Variants in CHRNA5 observed in about 807,000 individuals in gnomAD.
CHRNA5 encodes the protein cholinergic receptor nicotinic alpha 5 subunit.
A neutral mutation model predicts 41.2 loss-of-function variants in CHRNA5; 28 were observed. The ratio of observed to expected loss-of-function variants is 0.68; its 90% confidence interval spans 0.50 to 0.93. The LOEUF (loss-of-function observed/expected upper bound fraction) is 0.93, where lower values mean the gene tolerates loss of function less well. CHRNA5 is among the 40% of genes least tolerant of loss of function. The probability of loss-of-function intolerance (pLI) is 0.00; values close to 1 mark genes in which losing one functional copy is unlikely to be tolerated. For synonymous variants in CHRNA5, 188 were observed against 205.8 expected (o/e 0.91, Z 0.74); for missense variants, 481 against 581.9 (o/e 0.83, Z 1.78).
chr15:78,594,559 T>A (rs1307736112), exon 6 of CHRNA5: 2 of 152,242 alleles, frequency 1.3e-5, no homozygotes, highest in Non-Finnish European at 2.9e-5. Flanking sequence ...GCGCCTGTAG[T>A]CCCAGCTACT....
At chr15:78,585,739 C>T (rs972058478) in intron 2 of CHRNA5, among the ~76,000 whole-genome samples, 13 of 151,270 alleles carry the variant, frequency 8.6e-5, no homozygotes, top group Admixed American at 7.2e-4. Flanking sequence ...TTATGAAATT[C>T]GTATTCAAGG....
chr15:78,589,724 C>G, intron 4 of CHRNA5, 81 bp from the exon 5 acceptor site: 1 of 1,122,962 alleles, frequency 8.9e-7, no homozygotes, highest in Non-Finnish European at 1.3e-6. Context: ...GATAGGCCTG[C>G]TTTTATATTA....
exon 5 of CHRNA5, chr15:78,590,199 C>T (rs142772554): frequency 6.2e-7 from 1 of 1,613,896 alleles, no homozygotes. Context: ...TTTAACTGTA[C>T]TTGTCTTCTA....
At chr15:78,592,135 A>C (rs576226781) in intron 5 of CHRNA5, among the ~76,000 whole-genome samples, 2 of 152,238 alleles carry the variant, frequency 1.3e-5, no homozygotes, top group South Asian at 2.1e-4. Flanking sequence ...CAGCCTGGCC[A>C]ATATGGTGAA....
In CHRNA5 at chr15:78,588,567, A is replaced by G. The variant is rs139319291; in HGVS notation, c.413+144A>G. The G allele has an allele frequency of 4.3e-6, 2 of 467,458 alleles. No homozygotes were observed. Among genetic ancestry groups the G allele is most frequent in the African/African-American group, 4.0e-5 (2 of 50,156 alleles). 29.0% of individuals were successfully genotyped at this position (467,458 alleles called of 1,614,324 possible). On this transcript the variant is annotated intron_variant, in intron 4 of 5. Transcript: ENST00000299565. The surrounding 1 kb of genome is among the most constrained non-coding windows in gnomAD (Gnocchi z 4.1). ...ACCGCATGTGCCTGGGTATGATTAC[A>G]TGTTTTATAGATGAGGAAACAGAGG...
At chr15:78,577,661 A>G (rs495090) in intron 1 of CHRNA5, among the ~76,000 whole-genome samples, 97,018 of 152,004 alleles carry the variant, frequency 0.64, 31,253 homozygotes, top group Middle Eastern at 0.78. Context: ...GGCTGGGTGC[A>G]GTGACTCACA....
At position 78,588,308 on chromosome 15, in the gene CHRNA5, T is replaced by C. The variant is rs201192025; in HGVS notation, c.304-6T>C. 60 of 1,446,168 alleles carry C rather than the reference T, an allele frequency of 4.1e-5. No individual in the cohort carries two copies. The African/African-American group carries it at 8.1e-4, about 20-fold the overall frequency. The allele number at this position is 1,446,168 out of a possible 1,614,324, so 89.6% of individuals were successfully genotyped here. ...TGAAATTGAGGCAGATTTCTTTGTT[T>C]TAAAGGAATGGATAGATGTAAAATT... On this transcript the variant is annotated splice_polypyrimidine_tract_variant and splice_region_variant and intron_variant, in intron 3 of 5. Transcript: ENST00000299565. The surrounding 1 kb of genome is among the most constrained non-coding windows in gnomAD (Gnocchi z 4.1).
intron 1 of CHRNA5, among the ~76,000 whole-genome samples, chr15:78,579,346 C>T (rs916018440): frequency 5.9e-5 from 9 of 152,214 alleles, no homozygotes; most frequent in Middle Eastern, 3.4e-3. Context: ...CTCTGTCTCC[C>T]GGGCTCAAGC....
At position 78,580,878 on chromosome 15, in the gene CHRNA5, C is replaced by G. The variant is rs79835149; in HGVS notation, c.174C>G (p.Tyr58Ter). The G allele has an allele frequency of 1.2e-6, 2 of 1,613,390 alleles. No individual in the cohort carries two copies. The highest frequency in any genetic ancestry group is 1.3e-5 in the African/African-American group (1 of 74,920). Residue 58 changes from tyrosine (Y) to a stop codon, truncating the protein, a stop_gained, in exon 2 of 6, where the codon TAC (tyrosine) becomes TAG (stop). Coordinates refer to ENST00000299565, the Ensembl canonical transcript of CHRNA5. LOFTEE classifies it high-confidence loss of function. ...TGCTTAAGGATTTATTTCAAGACTA[C>G]GAAAGATGGGTTCGTCCTGTGGAAC... is the stretch of plus-strand genomic sequence containing the variant.
intron 1 of CHRNA5, among the ~76,000 whole-genome samples, chr15:78,574,335 G>A (rs1203048906): frequency 4.8e-5 from 7 of 147,168 alleles, no homozygotes; most frequent in Non-Finnish European, 7.4e-5. Context: ...AGCCGAGATC[G>A]CACCAATGCA....
intron 5 of CHRNA5, among the ~76,000 whole-genome samples, chr15:78,591,592 A>C (rs1271302032): frequency 6.6e-6 from 1 of 152,230 alleles, no homozygotes; most frequent in Non-Finnish European, 1.5e-5. Flanking sequence ...AGGAGACAGA[A>C]TAAATCTGGC....
intron 1 of CHRNA5, among the ~76,000 whole-genome samples, chr15:78,567,066 C>T (rs1039978694): frequency 1.3e-5 from 2 of 152,054 alleles, no homozygotes; most frequent in Non-Finnish European, 2.9e-5. Flanking sequence ...TCCTGGCTAA[C>T]ACAGTGAAAC....
At chr15:78,590,489 G>A in exon 5 of CHRNA5, 1 of 1,614,190 alleles carries the variant, frequency 6.2e-7, no homozygotes, top group Non-Finnish European at 8.5e-7. Context: ...TGCTTTGCAT[G>A]AGAAGTCATG....
At chr15:78,574,064 C>T (rs1418577124) in intron 1 of CHRNA5, among the ~76,000 whole-genome samples, 5 of 148,546 alleles carry the variant, frequency 3.4e-5, no homozygotes, top group African/African-American at 7.4e-5. Flanking sequence ...CCGCCCACCT[C>T]GGCCTCCCAA....
At chr15:78,569,331 TAGC>T (rs2052778058) in intron 1 of CHRNA5, among the ~76,000 whole-genome samples, 1 of 152,210 alleles carries the variant, frequency 6.6e-6, no homozygotes, top group Non-Finnish European at 1.5e-5. Context: ...TTTCTTCTAA[TAGC>T]ATTATTTTTC....
exon 6 of CHRNA5, chr15:78,593,646 T>C (rs615470): frequency 0.64 from 100,937 of 156,536 alleles, 32,830 homozygotes; most frequent in East Asian, 0.82. Context: ...AACTTTCCTG[T>C]ACTCACTGAG....
chr15:78,565,834 G>C lies in CHRNA5; in HGVS notation c.106+9G>C. The C allele has an allele frequency of 8.2e-7, 1 of 1,217,674 alleles. No individual in the cohort carries two copies. The highest frequency in any genetic ancestry group is 1.6e-5 in the African/African-American group (1 of 63,888). The allele number at this position is 1,217,674 out of a possible 1,614,324, so 75.4% of individuals were successfully genotyped here. ...GGGCGGCGCGCAGAGAGGTAAGCCC[G>C]GGCTGCAGAGGGGCGGGGCGGGAGC... On this transcript the variant is annotated intron_variant, in intron 1 of 5. Transcript: ENST00000299565.
chr15:78,568,787 C>T (rs530566770), intron 1 of CHRNA5, among the ~76,000 whole-genome samples: 10 of 152,240 alleles, frequency 6.6e-5, no homozygotes, highest in Middle Eastern at 3.4e-3. Flanking sequence ...CCAGCTTCAT[C>T]CATGTCCCTG....
At chr15:78,578,966 T>C (rs867641075) in intron 1 of CHRNA5, among the ~76,000 whole-genome samples, 2 of 152,192 alleles carry the variant, frequency 1.3e-5, no homozygotes, top group South Asian at 4.1e-4. Context: ...AGCTCTGTAG[T>C]AGCATAAGCA....
Sources: allele counts gnomAD v4.1 joint callset (sites outside exome capture counted in the v4.1 genomes callset), GRCh38; gene constraint gnomAD v4.1.1; non-coding constraint Gnocchi (gnomAD v3.1); transcripts MANE v1.5; gene names NCBI Gene and HGNC (gene_info 2026-07-23, HGNC 2026-07-21).